The following CNTNAP2 variants were observed in gnomAD, a reference collection of about 807,000 sequenced individuals.
CNTNAP2 encodes the protein contactin associated protein 2, also known as contactin-associated protein-like 2.
CNTNAP2 carries 98 observed loss-of-function variants against 155.2 expected under a neutral mutation model. The ratio of observed to expected loss-of-function variants is 0.63; its 90% CI spans 0.54 to 0.75. The LOEUF (loss-of-function observed/expected upper bound fraction) is 0.75, where lower values mean the gene tolerates loss of function less well. Ranked by LOEUF, CNTNAP2 falls within the 30% of genes least tolerant of loss-of-function variation. The pLI is 0.00. For synonymous variants in CNTNAP2, 651 were observed against 631.2 expected, an observed-to-expected ratio of 1.03 and a Z score of -0.47; for missense variants, 1,727 against 1,688.1, an observed-to-expected ratio of 1.02 and a Z score of -0.40.
rs184861688 is a variant in CNTNAP2 at position 148,005,870 on chromosome 7, T to C, written c.2383+27881T>C. ...ACCTTTGTTTTGATTCAGTTGCCAA[T>C]ATTCTCTAAGATGGTTTAATGTGAG... On this transcript the variant is annotated intron_variant, in intron 15 of 23. Transcript: ENST00000361727. Among the ~76,000 whole-genome samples the C allele has an allele frequency of 1.0e-3, 153 of 152,282 alleles. 1 individual carries two copies. Among genetic ancestry groups the C allele is most frequent in the Admixed American group, 3.3e-3 (50 of 15,288 alleles).
chr7:147,724,479 T>G (rs74528263), intron 13 of CNTNAP2, among the ~76,000 whole-genome samples: 1,816 of 152,128 alleles, frequency 0.012, 50 homozygotes, highest in African/African-American at 0.041. Context: ...GTTTTGCCTA[T>G]TTGGCCATTG....
At chr7:147,017,449 C>T (rs563884145) in intron 3 of CNTNAP2, among the ~76,000 whole-genome samples, 7 of 152,130 alleles carry the variant, frequency 4.6e-5, no homozygotes, top group Non-Finnish European at 8.8e-5. Flanking sequence ...ATAATATATG[C>T]TATAACTGCC....
chr7:147,194,334 ATGGGCATT>A (rs1802740884), intron 8 of CNTNAP2, among the ~76,000 whole-genome samples: 1 of 151,998 alleles, frequency 6.6e-6, no homozygotes, highest in Non-Finnish European at 1.5e-5. Flanking sequence ...TCTATCATTG[ATGGGCATT>A]TGGGTTGGTT....
At chr7:147,221,114 T>A (rs1803390147) in intron 8 of CNTNAP2, among the ~76,000 whole-genome samples, 1 of 150,016 alleles carries the variant, frequency 6.7e-6, no homozygotes, top group African/African-American at 2.5e-5. Flanking sequence ...TACCACTTCA[T>A]GGGTAGTGTG....
chr7:146,766,695 T>C (rs1016614299), intron 1 of CNTNAP2, among the ~76,000 whole-genome samples: 1 of 152,156 alleles, frequency 6.6e-6, no homozygotes, highest in Non-Finnish European at 1.5e-5. Flanking sequence ...ACTCAAAATA[T>C]TTACTTGGCT....
intron 14 of CNTNAP2, among the ~76,000 whole-genome samples, chr7:147,938,495 C>T (rs1434414365): frequency 6.6e-6 from 1 of 152,066 alleles, no homozygotes; most frequent in Non-Finnish European, 1.5e-5. Flanking sequence ...AGTAAAATAG[C>T]TTTCCCTCCT....
In CNTNAP2 at chr7:146,375,548, G is replaced by A. The variant is rs558422221; in HGVS notation, c.97+258575G>A. On this transcript the variant is annotated intron_variant, in intron 1 of 23. Coordinates refer to ENST00000361727, the MANE Select transcript of CNTNAP2 (RefSeq NM_014141.6). ...TATGATGAAAGAATAATAAAAGATT[G>A]GTGGCATAAAGAATCTAACAGTTCC... 3.9e-4 allele frequency among the ~76,000 whole-genome samples: 59 copies of A among 152,212 alleles called. No homozygotes were observed. In the South Asian group the frequency reaches 0.012, roughly 30 times the overall value.
chr7:147,976,888 T>C (rs1801435059), intron 14 of CNTNAP2, among the ~76,000 whole-genome samples: 2 of 151,566 alleles, frequency 1.3e-5, no homozygotes, highest in Admixed American at 6.6e-5. Flanking sequence ...AATTTCAAAA[T>C]TGTTATTTCT....
chr7:146,758,342 C>A (rs1802027707), intron 1 of CNTNAP2, among the ~76,000 whole-genome samples: 1 of 152,126 alleles, frequency 6.6e-6, no homozygotes, highest in Admixed American at 6.6e-5. Flanking sequence ...TCTTCTCATG[C>A]ACTCCTGGCT....
chr7:147,923,137 T>C (rs1800315988), intron 14 of CNTNAP2, among the ~76,000 whole-genome samples: 1 of 152,102 alleles, frequency 6.6e-6, no homozygotes, highest in East Asian at 1.9e-4. Flanking sequence ...GAGACCACTG[T>C]CCATGCAATA....
chr7:147,756,775 C>CT (rs1797218850), intron 13 of CNTNAP2, among the ~76,000 whole-genome samples: 1 of 152,154 alleles, frequency 6.6e-6, no homozygotes, highest in Non-Finnish European at 1.5e-5. Flanking sequence ...ATTAACCTTT[C>CT]AGGGCAATTC....
Position 147,091,670 on chromosome 7 carries a change from A to G in CNTNAP2, c.551-16477A>G, listed in dbSNP as rs535021442. 3.3e-5 allele frequency among the ~76,000 whole-genome samples: 5 copies of G among 149,410 alleles called. No homozygotes were observed. The East Asian group carries it at 1.0e-3, about 30-fold the overall frequency. Reference sequence around the variant, plus strand: ...GCCCAGGCTGGAGTGCAGTGGTGCGATCTCGGCTCACTGCAAGCTCCGCCT... The same window carrying G: ...GCCCAGGCTGGAGTGCAGTGGTGCGGTCTCGGCTCACTGCAAGCTCCGCCT... On this transcript the variant is annotated intron_variant, in intron 4 of 23. Coordinates refer to ENST00000361727, the MANE Select transcript of CNTNAP2 (RefSeq NM_014141.6).
intron 11 of CNTNAP2, among the ~76,000 whole-genome samples, chr7:147,534,798 A>G (rs927537392): frequency 4.6e-5 from 7 of 152,056 alleles, no homozygotes; most frequent in Admixed American, 1.3e-4. Context: ...ATTTCTATCC[A>G]CTCGTTGAAA....
At chr7:146,524,881 C>CAAGG (rs1420288047) in intron 1 of CNTNAP2, among the ~76,000 whole-genome samples, 1 of 151,932 alleles carries the variant, frequency 6.6e-6, no homozygotes, top group East Asian at 1.9e-4. Context: ...GGAGAGTGTG[C>CAAGG]AAGGGCTCTC....
intron 8 of CNTNAP2, among the ~76,000 whole-genome samples, chr7:147,191,239 G>C (rs1802675635): frequency 1.3e-5 from 2 of 152,078 alleles, no homozygotes; most frequent in African/African-American, 4.8e-5. Flanking sequence ...AGAAGGTGGT[G>C]GGTCCCTAAC....
At chr7:147,030,340 T>C (rs1271320947) in intron 3 of CNTNAP2, among the ~76,000 whole-genome samples, 2 of 152,208 alleles carry the variant, frequency 1.3e-5, no homozygotes, top group African/African-American at 2.4e-5. Flanking sequence ...CTCAGTACCT[T>C]GAGTATTATG....
chr7:147,799,673 A>G (rs1221652870), intron 13 of CNTNAP2, among the ~76,000 whole-genome samples: 10 of 152,356 alleles, frequency 6.6e-5, no homozygotes, highest in African/African-American at 2.2e-4. Flanking sequence ...GAAGGAAATC[A>G]TTTCAGGCAA....
intron 10 of CNTNAP2, among the ~76,000 whole-genome samples, chr7:147,478,865 C>T (rs954683058): frequency 2.0e-5 from 3 of 152,192 alleles, no homozygotes; most frequent in African/African-American, 4.8e-5. Flanking sequence ...CAATGTGCAA[C>T]AGCTTAATGA....
chr7:148,124,326 T>G (rs1804667852), intron 16 of CNTNAP2, among the ~76,000 whole-genome samples: 1 of 152,206 alleles, frequency 6.6e-6, no homozygotes, highest in Non-Finnish European at 1.5e-5. Flanking sequence ...CAAAAAAAAT[T>G]TATGGAGCAG....
Sources: gnomAD v4.1 joint callset for allele counts (sites outside exome capture counted in the v4.1 genomes callset) on GRCh38, gnomAD v4.1.1 for gene constraint, MANE v1.5 for transcripts, NCBI Gene and HGNC (gene_info 2026-07-23, HGNC 2026-07-21) for gene names.